Variants in PGBD5 observed in about 807,000 individuals in gnomAD.
PGBD5 encodes piggyBac transposable element derived 5, also known as piggyBac transposable element-derived protein 5.
A neutral mutation model predicts 47.9 loss-of-function variants in PGBD5; 14 were observed. The ratio of observed to expected loss-of-function variants is 0.29; its 90% CI spans 0.19 to 0.46. PGBD5 has a LOEUF of 0.46. PGBD5 is among the 20% of genes least tolerant of loss of function. The probability of loss-of-function intolerance (pLI) is 1.00; values close to 1 mark genes in which losing one functional copy is unlikely to be tolerated. For synonymous variants in PGBD5, 316 were observed against 306.3 expected, an observed-to-expected ratio of 1.03 and a Z score of -0.33; for missense variants, 635 against 716.0, an observed-to-expected ratio of 0.89 and a Z score of 1.29.
intron 3 of PGBD5, among the ~76,000 whole-genome samples, chr1:230,348,355 C>T (rs1012468210): frequency 6.6e-6 from 1 of 152,208 alleles, no homozygotes; most frequent in Non-Finnish European, 1.5e-5. Flanking sequence ...GCAGGGGCTG[C>T]CTATGCCTTG....
At position 230,344,739 on chromosome 1, in the gene PGBD5, T is replaced by TCTTGAATTCTGGCTTCTAATGCC. The variant is rs557738988; in HGVS notation, c.894+6196_894+6218dup. Among the ~76,000 whole-genome samples the TCTTGAATTCTGGCTTCTAATGCC allele has an allele frequency of 1.7e-4, 26 of 152,316 alleles. 1 individual carries two copies. In the South Asian group the frequency reaches 5.4e-3, roughly 32 times the overall value. On this transcript the variant is annotated intron_variant, in intron 3 of 6. Transcript: ENST00000391860. ...GGGTTCTTTTGCTTGGGGGTTACCATCTTGAATTCTGGCTTCTAATGCCCA... is the reference window on the plus strand; with the variant it reads ...GGGTTCTTTTGCTTGGGGGTTACCATCTTGAATTCTGGCTTCTAATGCCCTTGAATTCTGGCTTCTAATGCCCA...
chr1:230,366,681 G>C (rs543870651), intron 1 of PGBD5, among the ~76,000 whole-genome samples: 40 of 152,242 alleles, frequency 2.6e-4, no homozygotes, highest in Admixed American at 2.3e-3. Flanking sequence ...AATGAAGACA[G>C]CCATGGTGTG....
rs1221108030 is a variant in PGBD5, at chr1:230,316,206, A to G, written c.*7219T>C. 6.6e-6 allele frequency: 1 copy of G among 152,422 alleles called. No homozygotes were observed. Among genetic ancestry groups the G allele is most frequent in the Non-Finnish European group, 1.5e-5 (1 of 67,942 alleles). The allele number at this position is 152,422 out of a possible 1,614,324, so 9.4% of individuals were successfully genotyped here. A position where few individuals can be genotyped will look rare whatever the true frequency, so the allele number is the denominator to read the frequency against. On this transcript the variant is annotated 3_prime_UTR_variant, in exon 7 of 7. Transcript: ENST00000391860. ...CACATGTGCATGTGTATACATACAT[A>G]TGTACACATGTGTATATGTGTATAC...
rs181013404 is a variant in PGBD5 at position 230,424,317 on chromosome 1, C to T, written c.331+1281G>A. Among the ~76,000 whole-genome samples, 363 of 152,304 alleles carry T rather than the reference C, an allele frequency of 2.4e-3. 3 individuals are homozygous for T. The highest frequency in any genetic ancestry group is 8.3e-3 in the African/African-American group (345 of 41,556). On this transcript the variant is annotated intron_variant, in intron 1 of 6. Coordinates refer to ENST00000391860, the MANE Select transcript of PGBD5 (RefSeq NM_001258311.2). ...TAGAGAGTCAATGATTTTGAAAATT[C>T]CCAAGCTCTTAACTACAGCCCAAAT...
intron 6 of PGBD5, among the ~76,000 whole-genome samples, chr1:230,324,942 G>A (rs1038083951): frequency 2.0e-5 from 3 of 152,212 alleles, no homozygotes; most frequent in Admixed American, 2.0e-4. Context: ...TTAGGGGTGT[G>A]GGGAAGGAGG....
In PGBD5 at chr1:230,368,467, C is replaced by T. The variant is rs371782095; in HGVS notation, c.332-11146G>A. Among the ~76,000 whole-genome samples the T allele has an allele frequency of 6.6e-5, 10 of 152,380 alleles. No homozygotes were observed. In the East Asian group the frequency reaches 1.9e-3, roughly 29 times the overall value. ...AAAGAAAAAGTGTGTGTAAGGTCCA[C>T]ACTGTCTGTCCTGTTCCTGGCTGCA... is the stretch of plus-strand genomic sequence containing the variant. On this transcript the variant is annotated intron_variant, in intron 1 of 6. Coordinates refer to ENST00000391860, the MANE Select transcript of PGBD5 (RefSeq NM_001258311.2).
chr1:230,356,759 A>C (rs1191395702), intron 2 of PGBD5, 135 bp downstream of exon 2: 1 of 814,704 alleles, frequency 1.2e-6, no homozygotes, highest in Non-Finnish European at 1.9e-6. Context: ...ATGGAAGAAT[A>C]GCAGAGGTGA....
chr1:230,410,857 A>C (rs1657393044), intron 1 of PGBD5, among the ~76,000 whole-genome samples: 1 of 152,184 alleles, frequency 6.6e-6, no homozygotes, highest in Non-Finnish European at 1.5e-5. Context: ...CGTAAGCCCA[A>C]AGCTGGCTCT....
chr1:230,413,050 T>A (rs1657446060), intron 1 of PGBD5, among the ~76,000 whole-genome samples: 1 of 151,196 alleles, frequency 6.6e-6, no homozygotes, highest in Non-Finnish European at 1.5e-5. Context: ...CAGTATTTTT[T>A]CTCATCAACA....
chr1:230,377,114 C>T (rs917208332), intron 1 of PGBD5, among the ~76,000 whole-genome samples: 1 of 152,196 alleles, frequency 6.6e-6, no homozygotes, highest in Admixed American at 6.5e-5. Flanking sequence ...CCCTTCCTAA[C>T]TCCAAGTGCA....
chr1:230,408,347 T>C (rs1007896369), intron 1 of PGBD5, among the ~76,000 whole-genome samples: 4 of 152,190 alleles, frequency 2.6e-5, no homozygotes, highest in African/African-American at 9.7e-5. Flanking sequence ...TTGATGTATC[T>C]TGTATGTATG....
At chr1:230,389,688 G>A (rs6700105) in intron 1 of PGBD5, among the ~76,000 whole-genome samples, 10,782 of 152,098 alleles carry the variant, frequency 0.071, 1,282 homozygotes, top group African/African-American at 0.24. Context: ...GTTCAAGCCC[G>A]GAATAAGGTT....
chr1:230,388,992 C>G (rs556515391), intron 1 of PGBD5, among the ~76,000 whole-genome samples: 1 of 152,150 alleles, frequency 6.6e-6, no homozygotes, highest in African/African-American at 2.4e-5. Context: ...CTATGCCCAC[C>G]ACCAGCCCCA....
chr1:230,406,401 C>T (rs1266842945), intron 1 of PGBD5, among the ~76,000 whole-genome samples: 2 of 148,320 alleles, frequency 1.3e-5, no homozygotes, highest in Non-Finnish European at 3.0e-5. Context: ...TAATTAAAGA[C>T]TGTAATAGCT....
rs1011866917 is a variant in PGBD5, at chr1:230,357,878, G to A, written c.332-557C>T. Among the ~76,000 whole-genome samples, 46 of 152,008 alleles carry A rather than the reference G, an allele frequency of 3.0e-4. No homozygotes were observed. Among genetic ancestry groups the A allele is most frequent in the Non-Finnish European group, 5.1e-4 (35 of 68,010 alleles). ...GCATATTTATACATATAAATTAAAA[G>A]CACTGTCTGCCAGTCTGGGGTACTT... On this transcript the variant is annotated intron_variant, in intron 1 of 6. Transcript: ENST00000391860. This position sits in a 1 kb window ranked among gnomAD's most constrained non-coding sequence, Gnocchi z 5.7.
intron 4 of PGBD5, among the ~76,000 whole-genome samples, chr1:230,335,758 T>TGCACATATGGACACACACAC (rs1246086188): frequency 2.6e-3 from 1 of 388 alleles, no homozygotes; most frequent in Non-Finnish European, 5.1e-3. Flanking sequence ...CACACACAGA[T>TGCACATATGGACACACACAC]ACACAGATAC....
rs1262221711 is a variant in PGBD5, at chr1:230,357,481, C to T, written c.332-160G>A. ...TCCAACCTTCCAGAAGCTGCTGCAA[C>T]CACCTGACAGTGCCGGCTCCCATAG... On this transcript the variant is annotated intron_variant, in intron 1 of 6. Coordinates refer to ENST00000391860, the MANE Select transcript of PGBD5 (RefSeq NM_001258311.2). The surrounding 1 kb of genome is among the most constrained non-coding windows in gnomAD (Gnocchi z 5.7). Among the ~76,000 whole-genome samples the T allele has an allele frequency of 2.0e-5, 3 of 152,212 alleles. No homozygotes were observed. The highest frequency in any genetic ancestry group is 4.4e-5 in the Non-Finnish European group (3 of 68,046).
intron 1 of PGBD5, among the ~76,000 whole-genome samples, chr1:230,395,986 TTTTGCTTCCCTCTTTCTTCCC>T (rs1200062211): frequency 1.1e-4 from 14 of 129,464 alleles, no homozygotes; most frequent in Admixed American, 4.8e-4. Flanking sequence ...CTCCTCTTTC[TTTTGCTTCCCTCTTTCTTCCC>T]TTTGCTTCCC....
chr1:230,367,989 A>G (rs772581173), intron 1 of PGBD5: 9 of 1,367,796 alleles, frequency 6.6e-6, no homozygotes, highest in Non-Finnish European at 7.8e-6. Flanking sequence ...GACACCAAGG[A>G]GCTGGGGGTT....
Sources: allele counts gnomAD v4.1 joint callset (sites outside exome capture counted in the v4.1 genomes callset), GRCh38; gene constraint gnomAD v4.1.1; non-coding constraint Gnocchi (gnomAD v3.1); transcripts MANE v1.5; gene names NCBI Gene and HGNC (gene_info 2026-07-23, HGNC 2026-07-21).